ZNF506: variants seen among roughly 807,000 people sequenced by gnomAD.
The protein encoded by ZNF506 is zinc finger protein 506.
Under a neutral mutation model 11.6 loss-of-function variants are expected in ZNF506, and 10 were observed. The ratio of observed to expected loss-of-function variants is 0.86; its 90% confidence interval spans 0.53 to 1.46. The LOEUF (loss-of-function observed/expected upper bound fraction) is 1.46. Ranked by LOEUF, ZNF506 falls within the 40% of genes most tolerant of loss-of-function variation. The pLI, the probability that ZNF506 is intolerant of heterozygous loss-of-function variation, is 0.00. For missense variants in ZNF506, 425 were observed against 521.2 expected, an observed-to-expected ratio of 0.82 and a Z score of 1.80; for synonymous variants, 156 against 173.3, an observed-to-expected ratio of 0.90 and a Z score of 0.78.
At position 19,795,703 on chromosome 19, in the gene ZNF506, C is replaced by T. The variant is rs780857615; in HGVS notation, c.227-43G>A. Reference sequence around the variant, plus strand: ...AACACATGACTTCAATTGCTAGACTCAGATAAATATACTTCACAAATCTAA... The same window carrying T: ...AACACATGACTTCAATTGCTAGACTTAGATAAATATACTTCACAAATCTAA... On this transcript the variant is annotated intron_variant, in intron 3 of 3. Coordinates refer to ENST00000540806, the MANE Select transcript of ZNF506 (RefSeq NM_001099269.3). The T allele has an allele frequency of 3.8e-5, 56 of 1,461,208 alleles. No homozygotes were observed. In the South Asian group the frequency reaches 4.2e-4, roughly 11 times the overall value. 90.5% of individuals were successfully genotyped at this position (1,461,208 alleles called of 1,614,324 possible).
rs1411030828 is a variant in ZNF506 at position 19,808,366 on chromosome 19, G to A, written c.4-1298C>T. 2.0e-4 allele frequency among the ~76,000 whole-genome samples: 30 copies of A among 147,864 alleles called. 1 individual carries two copies. The highest frequency in any genetic ancestry group is 1.1e-3 in the Admixed American group (16 of 14,956). The stretch of plus-strand genomic sequence containing the variant: ...TCTCGATTTCCTGACCTCGTGATCC[G>A]CCCGCCTCGGCCTCCCAAAGTGCTG... On this transcript the variant is annotated intron_variant, in intron 1 of 3. Transcript: ENST00000540806.
intron 3 of ZNF506, among the ~76,000 whole-genome samples, chr19:19,800,839 TTA>T (rs745414607): frequency 3.2e-4 from 48 of 152,164 alleles, no homozygotes; most frequent in Non-Finnish European, 6.6e-4. Context: ...AGGAGAATTT[TTA>T]TGACTACTCA....
At chr19:19,800,754 C>T (rs1241235128) in intron 3 of ZNF506, among the ~76,000 whole-genome samples, 1 of 151,962 alleles carries the variant, frequency 6.6e-6, no homozygotes, top group African/African-American at 2.4e-5. Flanking sequence ...GTGTTTTTGA[C>T]AGATAACACA....
At chr19:19,814,427 A>ATAC (rs1432512876) in intron 1 of ZNF506, among the ~76,000 whole-genome samples, 1 of 150,732 alleles carries the variant, frequency 6.6e-6, no homozygotes, top group Non-Finnish European at 1.5e-5. Context: ...AATAATAATA[A>ATAC]TAATAATAAT....
chr19:19,810,061 A>G lies in ZNF506; in HGVS notation c.4-2993T>C, dbSNP rs201812143. On this transcript the variant is annotated intron_variant, in intron 1 of 3. Transcript: ENST00000540806. ...CCTCTCAAGCTTTAACGAGCTTATA[A>G]ATCACTTGGTAATTTTGGCCCCACT... Among the ~76,000 whole-genome samples, 17 of 152,326 alleles carry G rather than the reference A, an allele frequency of 1.1e-4. No individual in the cohort carries two copies. In the East Asian group the frequency reaches 2.3e-3, roughly 21 times the overall value.
chr19:19,816,091 CCAGA>C (rs2062928535), intron 1 of ZNF506, among the ~76,000 whole-genome samples: 1 of 152,070 alleles, frequency 6.6e-6, no homozygotes, highest in African/African-American at 2.4e-5. Context: ...TATCACACAG[CCAGA>C]CACACACTCT....
In ZNF506 at chr19:19,803,399, C is replaced by T. The variant is rs182671516; in HGVS notation, c.226+2632G>A. On this transcript the variant is annotated intron_variant, in intron 3 of 3. Coordinates refer to ENST00000540806, the MANE Select transcript of ZNF506 (RefSeq NM_001099269.3). ...CAGTTCTGCCTACATAGAAACCCAC[C>T]CAGTTACCTGAGGAAATGCTCTCTG... is the stretch of plus-strand genomic sequence containing the variant. Among the ~76,000 whole-genome samples, 28 of 152,174 alleles carry T rather than the reference C, an allele frequency of 1.8e-4. 1 individual carries two copies. The highest frequency in any genetic ancestry group is 2.4e-5 in the African/African-American group (1 of 41,454).
chr19:19,795,989 A>C, intron 3 of ZNF506: 1 of 296,958 alleles, frequency 3.4e-6, no homozygotes, highest in Non-Finnish European at 6.7e-6. Flanking sequence ...TGTGCCTTTA[A>C]AAGTAAATTG....
intron 3 of ZNF506, 101 bp from the exon 4 acceptor site, chr19:19,795,761 T>C (rs576198759): frequency 2.6e-6 from 3 of 1,154,354 alleles, no homozygotes; most frequent in East Asian, 2.7e-5. Flanking sequence ...GTAAGCAAGA[T>C]GACACAGCAA....
rs2062713393 is a variant in ZNF506, at chr19:19,793,727, A to G, written c.*825T>C. ...TTTCCATATTCTTTATATCTGTACG[A>G]TTTTTCTCAAGGATAAAAGCTTTCC... On this transcript the variant is annotated 3_prime_UTR_variant, in exon 4 of 4. Coordinates refer to ENST00000540806, the MANE Select transcript of ZNF506 (RefSeq NM_001099269.3). The G allele has an allele frequency of 6.6e-6, 1 of 152,148 alleles. No individual in the cohort carries two copies. The highest frequency in any genetic ancestry group is 1.5e-5 in the Non-Finnish European group (1 of 68,040). The allele number at this position is 152,148 out of a possible 1,614,324, so 9.4% of individuals were successfully genotyped here.
chr19:19,799,920 C>T (rs1459224265), intron 3 of ZNF506, among the ~76,000 whole-genome samples: 1 of 147,808 alleles, frequency 6.8e-6, no homozygotes, highest in Non-Finnish European at 1.5e-5. Context: ...GATTTCAAAA[C>T]ACATCAAAAA....
intron 3 of ZNF506, chr19:19,798,671 A>AAG (rs1555771053): frequency 6.7e-6 from 1 of 149,646 alleles, no homozygotes; most frequent in Admixed American, 6.6e-5. Context: ...AAAAAAAAAA[A>AAG]AAAAAGAAAA....
At position 19,807,049 on chromosome 19, in the gene ZNF506, T is replaced by A; in HGVS notation, c.23A>T (p.Asp8Val). The change falls in exon 2 of 4, where the codon GAT becomes GTT. Residue 8 changes from aspartate (D) to valine (V), a missense_variant. Asp to Val is a radical substitution (Grantham distance 152). Transcript: ENST00000540806. MGPLQFR[D>V]VAIEFSLEEW... ...CTCCAGAGAGAATTCTATGGCCACATCTCTAAATTGCAATGGTCCCTGAAA... is the reference window on the plus strand; with the variant it reads ...CTCCAGAGAGAATTCTATGGCCACAACTCTAAATTGCAATGGTCCCTGAAA... 1.2e-6 allele frequency: 2 copies of A among 1,613,930 alleles called. No homozygotes were observed. The highest frequency in any genetic ancestry group is 1.7e-6 in the Non-Finnish European group (2 of 1,179,948).
intron 1 of ZNF506, among the ~76,000 whole-genome samples, chr19:19,812,208 C>T (rs2062888479): frequency 6.6e-6 from 1 of 152,236 alleles, no homozygotes; most frequent in African/African-American, 2.4e-5. Flanking sequence ...GCAGAATTAA[C>T]TCCTGTCAGC....
At chr19:19,818,656 G>T (rs1238144796) in intron 1 of ZNF506, among the ~76,000 whole-genome samples, 1 of 152,158 alleles carries the variant, frequency 6.6e-6, no homozygotes, top group African/African-American at 2.4e-5. Context: ...TATGTGCTTT[G>T]TAAATATTTT....
Position 19,821,598 on chromosome 19 carries a change from C to T in ZNF506, c.3+3G>A. On this transcript the variant is annotated splice_donor_region_variant and intron_variant, in intron 1 of 3. Coordinates refer to ENST00000540806, the MANE Select transcript of ZNF506 (RefSeq NM_001099269.3). ...TCTCGGGATGTCGAACTGGCACTCT[C>T]ACCATTTCTAGGCTTCCAGGGGGTC... 1 of 1,614,118 alleles carries T rather than the reference C, an allele frequency of 6.2e-7. No individual in the cohort carries two copies. Among genetic ancestry groups the T allele is most frequent in the Non-Finnish European group, 8.5e-7 (1 of 1,179,958 alleles).
At chr19:19,815,442 C>T (rs537984019) in intron 1 of ZNF506, among the ~76,000 whole-genome samples, 5 of 152,270 alleles carry the variant, frequency 3.3e-5, no homozygotes, top group African/African-American at 1.2e-4. Flanking sequence ...CTTTCCTCTA[C>T]ATTTTCAGTC....
intron 1 of ZNF506, among the ~76,000 whole-genome samples, chr19:19,816,854 T>A (rs1174724216): frequency 3.5e-5 from 5 of 143,466 alleles, no homozygotes; most frequent in African/African-American, 1.3e-4. Context: ...AGTTTTGCTC[T>A]TGTTGCCCAG....
intron 1 of ZNF506, among the ~76,000 whole-genome samples, chr19:19,809,937 A>G (rs1339458287): frequency 6.6e-6 from 1 of 152,040 alleles, no homozygotes; most frequent in Non-Finnish European, 1.5e-5. Context: ...CACACACAAC[A>G]ATAAACAGAA....
Sources: allele counts gnomAD v4.1 joint callset (sites outside exome capture counted in the v4.1 genomes callset), GRCh38; gene constraint gnomAD v4.1.1; transcripts MANE v1.5; gene names NCBI Gene and HGNC (gene_info 2026-07-23, HGNC 2026-07-21).